The following GRAMD4 variants were observed in gnomAD, a reference collection of about 807,000 sequenced individuals.
GRAMD4 encodes the protein GRAM domain containing 4.
In GRAMD4, 25 loss-of-function variants were observed where a neutral mutation model predicts 83.9. The ratio of observed to expected loss-of-function variants is 0.30; its 90% CI spans 0.22 to 0.42. The LOEUF is 0.42. GRAMD4 is among the 10% of genes least tolerant of loss of function. GRAMD4 has a pLI of 1.00. For synonymous variants in GRAMD4, 336 were observed against 320.9 expected, an observed-to-expected ratio of 1.05 and a Z score of -0.50; for missense variants, 593 against 788.7, an observed-to-expected ratio of 0.75 and a Z score of 2.97.
intron 1 of GRAMD4, among the ~76,000 whole-genome samples, chr22:46,590,639 A>T (rs2081197748): frequency 6.6e-6 from 1 of 152,090 alleles, no homozygotes; most frequent in African/African-American, 2.4e-5. Context: ...TCAACAGGGG[A>T]GGGAGAGAGC....
chr22:46,665,668 A>G lies in GRAMD4; in HGVS notation c.771A>G (p.Leu257=), dbSNP rs1035609741. Reference sequence around the variant, plus strand: ...GGGCCATCCCATTGTTCTTATTTCTAGCAATTCTGAGGTTATCCCTCAATT... The same window carrying G: ...GGGCCATCCCATTGTTCTTATTTCTGGCAATTCTGAGGTTATCCCTCAATT... ...HGWAIPLFLF[L]AILRLSLNYL... The change falls in exon 9 of 19, where the codon CTA becomes CTG. Residue 257 remains leucine (L), a synonymous_variant. Coordinates refer to ENST00000406902, the MANE Select transcript of GRAMD4 (RefSeq NM_015124.5). 6.2e-7 allele frequency: 1 copy of G among 1,606,106 alleles called. No individual in the cohort carries two copies. The highest frequency in any genetic ancestry group is 8.5e-7 in the Non-Finnish European group (1 of 1,173,218).
chr22:46,639,116 T>C (rs1186230548), intron 3 of GRAMD4, among the ~76,000 whole-genome samples: 1 of 152,042 alleles, frequency 6.6e-6, no homozygotes, highest in African/African-American at 2.4e-5. Context: ...CTCTGTGTGC[T>C]CATGTTTGTG....
chr22:46,655,982 G>A (rs995369145), intron 3 of GRAMD4, among the ~76,000 whole-genome samples: 3 of 152,264 alleles, frequency 2.0e-5, no homozygotes, highest in East Asian at 1.9e-4. Context: ...GAGGCGGGGC[G>A]GGGAGGGGGA....
At chr22:46,650,340 AG>A (rs2082145529) in intron 3 of GRAMD4, among the ~76,000 whole-genome samples, 2 of 149,092 alleles carry the variant, frequency 1.3e-5, no homozygotes, top group African/African-American at 4.9e-5. Context: ...CTGCGTGTCG[AG>A]GCTGGGTGGA....
chr22:46,579,224 C>G (rs1343851211), intron 1 of GRAMD4, among the ~76,000 whole-genome samples: 1 of 152,170 alleles, frequency 6.6e-6, no homozygotes, highest in African/African-American at 2.4e-5. Flanking sequence ...CAGGTGGTCT[C>G]TCTCCAAACC....
intron 3 of GRAMD4, among the ~76,000 whole-genome samples, chr22:46,656,906 A>G (rs1464466049): frequency 1.3e-5 from 2 of 152,220 alleles, no homozygotes; most frequent in Admixed American, 6.5e-5. Flanking sequence ...CTCAGCCACC[A>G]TAGGCCACAG....
intron 3 of GRAMD4, among the ~76,000 whole-genome samples, chr22:46,642,860 C>A (rs1362437589): frequency 6.6e-6 from 1 of 152,140 alleles, no homozygotes; most frequent in Non-Finnish European, 1.5e-5. Context: ...TAATATTTTA[C>A]CGCATTTGTC....
intron 3 of GRAMD4, among the ~76,000 whole-genome samples, chr22:46,641,920 T>C (rs1046145256): frequency 1.3e-5 from 2 of 152,380 alleles, no homozygotes; most frequent in South Asian, 4.1e-4. Flanking sequence ...GGGTGCATGG[T>C]TGGATTCCCC....
chr22:46,668,176 A>T lies in GRAMD4; in HGVS notation c.930+9A>T, dbSNP rs1276996024. The T allele has an allele frequency of 2.5e-6, 4 of 1,604,512 alleles. No homozygotes were observed. Among genetic ancestry groups the T allele is most frequent in the Admixed American group, 1.7e-5 (1 of 59,956 alleles). On this transcript the variant is annotated intron_variant, in intron 11 of 18. Transcript: ENST00000406902. ...TCGCCCAGAAAGCCCAGGTACTGCC[A>T]CGGGCGCCGGCCAGGGGTGTGTCTG...
At chr22:46,664,718 C>T (rs1011184173) in intron 8 of GRAMD4, among the ~76,000 whole-genome samples, 1 of 152,262 alleles carries the variant, frequency 6.6e-6, no homozygotes, top group Non-Finnish European at 1.5e-5. Flanking sequence ...GACTGTGCCT[C>T]CAGCACGAGG....
chr22:46,672,828 G>A lies in GRAMD4; in HGVS notation c.1085-15G>A, dbSNP rs370473503. 11 of 1,603,878 alleles carry A rather than the reference G, an allele frequency of 6.9e-6. No homozygotes were observed. Among genetic ancestry groups the A allele is most frequent in the African/African-American group, 5.4e-5 (4 of 74,736 alleles). ...CAGAGCTCTAGATGGAGCAGGCTGT[G>A]TCCCCTGCCCTCAGGACTCTATGCT... On this transcript the variant is annotated splice_polypyrimidine_tract_variant and intron_variant, in intron 13 of 18. Coordinates refer to ENST00000406902, the MANE Select transcript of GRAMD4 (RefSeq NM_015124.5). The surrounding 1 kb of genome is among the most constrained non-coding windows in gnomAD (Gnocchi z 4.7).
intron 3 of GRAMD4, among the ~76,000 whole-genome samples, chr22:46,657,337 A>G (rs972479819): frequency 1.3e-5 from 2 of 152,164 alleles, no homozygotes; most frequent in African/African-American, 2.4e-5. Context: ...GGGAGAAGCA[A>G]GGGCCTCAGG....
intron 1 of GRAMD4, among the ~76,000 whole-genome samples, chr22:46,613,793 C>T (rs190968011): frequency 6.6e-6 from 1 of 152,334 alleles, no homozygotes; most frequent in Admixed American, 6.5e-5. Context: ...AGGCGGGCTG[C>T]CCGGCTTGCT....
rs2082632643 is a variant in GRAMD4 at position 46,678,551 on chromosome 22, C to T, written c.*1300C>T. On this transcript the variant is annotated 3_prime_UTR_variant, in exon 19 of 19. Transcript: ENST00000406902. ...GGGCCTCCTGGAAGGAGGTGGCCAC[C>T]CCGCGGGCCTGCGTGTCTGCTGGGG... is the stretch of plus-strand genomic sequence containing the variant. 3 of 985,404 alleles carry T rather than the reference C, an allele frequency of 3.0e-6. No homozygotes were observed. The African/African-American group carries it at 5.2e-5, about 17-fold the overall frequency. The allele number at this position is 985,404 out of a possible 1,614,324, so 61.0% of individuals were successfully genotyped here.
Position 46,679,241 on chromosome 22 carries a change from G to A in GRAMD4, c.*1990G>A, listed in dbSNP as rs1478246801. 4.1e-6 allele frequency: 4 copies of A among 985,422 alleles called. No homozygotes were observed. The highest frequency in any genetic ancestry group is 1.1e-4 in the East Asian group (1 of 8,828). The allele number at this position is 985,422 out of a possible 1,614,324, so 61.0% of individuals were successfully genotyped here. A position where few individuals can be genotyped will look rare whatever the true frequency, so the allele number is the denominator to read the frequency against. On this transcript the variant is annotated 3_prime_UTR_variant, in exon 19 of 19. Transcript: ENST00000406902. ...CTGGGATTCAGTCCCCAAACACAGC[G>A]GGAGGGGTCCCTGGGGCAGATGGGG...
At chr22:46,628,822 C>T (rs892301682) in intron 2 of GRAMD4, among the ~76,000 whole-genome samples, 1 of 152,090 alleles carries the variant, frequency 6.6e-6, no homozygotes. Flanking sequence ...GCTGGCCGCT[C>T]CAGGGTGATG....
chr22:46,611,293 A>G (rs2081414687), intron 1 of GRAMD4, among the ~76,000 whole-genome samples: 1 of 151,970 alleles, frequency 6.6e-6, no homozygotes. Context: ...GCTTCTAGGC[A>G]GAGGGGCCTA....
chr22:46,631,976 G>A (rs1041304345), intron 2 of GRAMD4, among the ~76,000 whole-genome samples: 24 of 151,874 alleles, frequency 1.6e-4, no homozygotes, highest in South Asian at 2.1e-4. Flanking sequence ...GTGTCCTTTC[G>A]TCTCCTGGGG....
At chr22:46,578,435 C>T (rs986393541) in intron 1 of GRAMD4, among the ~76,000 whole-genome samples, 2 of 152,164 alleles carry the variant, frequency 1.3e-5, no homozygotes, top group African/African-American at 4.8e-5. Flanking sequence ...GCCTCAGTTT[C>T]CTCACTAGCA....
Sources: gnomAD v4.1 joint callset for allele counts (sites outside exome capture counted in the v4.1 genomes callset) on GRCh38, gnomAD v4.1.1 for gene constraint, Gnocchi (gnomAD v3.1) non-coding constraint, MANE v1.5 for transcripts, NCBI Gene and HGNC (gene_info 2026-07-23, HGNC 2026-07-21) for gene names.